Variants in C2CD2 observed in about 807,000 individuals in gnomAD.
The protein encoded by C2CD2 is C2 calcium dependent domain containing 2.
In C2CD2, 43 loss-of-function variants were observed where a neutral mutation model predicts 74.3. The observed-to-expected ratio is 0.58, with a 90% CI of 0.45 to 0.75. The LOEUF is 0.75. C2CD2 is among the 30% of genes least tolerant of loss of function. C2CD2 has a pLI of 0.00. For missense variants in C2CD2, 801 were observed against 916.3 expected (o/e 0.87, Z 1.63); for synonymous variants, 422 against 390.7 (o/e 1.08, Z -0.94).
At chr21:41,893,169 T>G (rs1163709635) in intron 13 of C2CD2, among the ~76,000 whole-genome samples, 1 of 152,174 alleles carries the variant, frequency 6.6e-6, no homozygotes, top group Non-Finnish European at 1.5e-5. Context: ...AAAATTAAAC[T>G]TTTTTTAAAA....
chr21:41,892,868 G>A lies in C2CD2; in HGVS notation c.1871-3524C>T, dbSNP rs969678911. 1.3e-5 allele frequency among the ~76,000 whole-genome samples: 2 copies of A among 152,254 alleles called. No individual in the cohort carries two copies. The highest frequency in any genetic ancestry group is 2.9e-5 in the Non-Finnish European group (2 of 68,054). ...TCCTTCGCACTTCACTCTGGGGGCC[G>A]GCAGACCACAGGGCTGTGTGGGTAG... On this transcript the variant is annotated intron_variant, in intron 13 of 13. Coordinates refer to ENST00000380486, the MANE Select transcript of C2CD2 (RefSeq NM_015500.2). This position sits in a 1 kb window ranked among gnomAD's most constrained non-coding sequence, Gnocchi z 4.6.
intron 7 of C2CD2, among the ~76,000 whole-genome samples, chr21:41,910,239 A>G (rs1255026812): frequency 6.6e-6 from 1 of 152,128 alleles, no homozygotes; most frequent in African/African-American, 2.4e-5. Context: ...TGCCCTTAGG[A>G]GATTTTATTT....
chr21:41,949,509 G>A (rs1222544835), intron 1 of C2CD2, among the ~76,000 whole-genome samples: 1 of 152,120 alleles, frequency 6.6e-6, no homozygotes, highest in African/African-American at 2.4e-5. Flanking sequence ...CGTGGTGCTG[G>A]GTGAAAGAGG....
intron 2 of C2CD2, among the ~76,000 whole-genome samples, chr21:41,930,438 C>T (rs1408443313): frequency 1.3e-5 from 2 of 150,280 alleles, no homozygotes; most frequent in Non-Finnish European, 3.0e-5. Context: ...CACAGTAGCT[C>T]ACACCTGTTA....
chr21:41,937,543 T>C (rs2065319133), intron 2 of C2CD2, among the ~76,000 whole-genome samples: 1 of 152,256 alleles, frequency 6.6e-6, no homozygotes, highest in Non-Finnish European at 1.5e-5. Context: ...GTTAAGTTTC[T>C]GTGGAGTCAA....
At position 41,918,240 on chromosome 21, in the gene C2CD2, G is replaced by T; in HGVS notation, c.598-13C>A. On this transcript the variant is annotated splice_polypyrimidine_tract_variant and intron_variant, in intron 4 of 13. Coordinates refer to ENST00000380486, the MANE Select transcript of C2CD2 (RefSeq NM_015500.2). ...CAGCCACCTGGTCCTGGTGAAAGAGGAGAAAGTTGACAAATCGCCTTTGCA... is the reference window on the plus strand; with the variant it reads ...CAGCCACCTGGTCCTGGTGAAAGAGTAGAAAGTTGACAAATCGCCTTTGCA... 2 of 1,613,688 alleles carry T rather than the reference G, an allele frequency of 1.2e-6. No individual in the cohort carries two copies. Among genetic ancestry groups the T allele is most frequent in the Non-Finnish European group, 1.7e-6 (2 of 1,179,772 alleles).
chr21:41,901,729 A>C lies in C2CD2; in HGVS notation c.1453T>G (p.Ser485Ala). Reference protein sequence around the residue: ...SDTELLVLNGSDPVAEVAIRQ... With the variant: ...SDTELLVLNGADPVAEVAIRQ... ...ATGGCCACTTCAGCCACTGGATCCG[A>C]ACCATTCAACACCAACAATTCTACC... Residue 485 changes from serine to alanine, a missense_variant, in exon 12 of 14, where the codon TCG becomes GCG. By Grantham distance (99) the Ser-to-Ala change is moderately conservative. Transcript: ENST00000380486. 6.2e-7 allele frequency: 1 copy of C among 1,614,062 alleles called. No homozygotes were observed. The highest frequency in any genetic ancestry group is 1.7e-5 in the Admixed American group (1 of 60,028).
At chr21:41,889,637 CTT>C (rs34432849) in intron 13 of C2CD2, among the ~76,000 whole-genome samples, 16 of 146,572 alleles carry the variant, frequency 1.1e-4, no homozygotes, top group East Asian at 2.0e-4. Context: ...AATTTTTTTT[CTT>C]TTTTTTTTTT....
At chr21:41,909,994 G>C (rs2065007735) in intron 7 of C2CD2, among the ~76,000 whole-genome samples, 1 of 101,224 alleles carries the variant, frequency 9.9e-6, no homozygotes, top group Non-Finnish European at 2.0e-5. Context: ...CATTACAAAG[G>C]CATTAAAAAA....
In C2CD2 at chr21:41,944,538, A is replaced by G. The variant is rs77745422; in HGVS notation, c.280-2293T>C. Among the ~76,000 whole-genome samples, 300 of 130,756 alleles carry G rather than the reference A, an allele frequency of 2.3e-3. 1 individual carries two copies. The highest frequency in any genetic ancestry group is 7.9e-3 in the South Asian group (35 of 4,418). 85.8% of individuals were successfully genotyped at this position (130,756 alleles called of 152,430 possible). A position where few individuals can be genotyped will look rare whatever the true frequency, so the allele number is the denominator to read the frequency against. ...CTCTGCCTCAAAAAAAAAAAAAAAA[A>G]AAAAGAAAAGAAAAGAGTTTGCTGG... On this transcript the variant is annotated intron_variant, in intron 1 of 13. Coordinates refer to ENST00000380486, the MANE Select transcript of C2CD2 (RefSeq NM_015500.2).
At chr21:41,920,678 C>G (rs1459770306) in intron 3 of C2CD2, among the ~76,000 whole-genome samples, 1 of 152,254 alleles carries the variant, frequency 6.6e-6, no homozygotes, top group African/African-American at 2.4e-5. Flanking sequence ...ATTTACCCAT[C>G]TCTAGCAGCT....
At chr21:41,900,796 A>C (rs1254530608) in intron 12 of C2CD2, among the ~76,000 whole-genome samples, 1 of 152,166 alleles carries the variant, frequency 6.6e-6, no homozygotes, top group Non-Finnish European at 1.5e-5. Flanking sequence ...TTCATTTGGA[A>C]ATGTCAAAAA....
In C2CD2 at chr21:41,943,621, G is replaced by A. The variant is rs59872318; in HGVS notation, c.280-1376C>T. Among the ~76,000 whole-genome samples the A allele has an allele frequency of 6.8e-3, 1,038 of 152,324 alleles. 7 individuals are homozygous for A. The highest frequency in any genetic ancestry group is 0.023 in the African/African-American group (975 of 41,572). On this transcript the variant is annotated intron_variant, in intron 1 of 13. Transcript: ENST00000380486. ...GGTGAGCTAGGTCCAGCTACAAGGC[G>A]TGACCGAGGGTGGGAGAGGGGAAGC... is the stretch of plus-strand genomic sequence containing the variant.
In C2CD2 at chr21:41,907,046, C is replaced by T. The variant is rs1343916128; in HGVS notation, c.1264G>A (p.Ala422Thr). 2 of 1,613,978 alleles carry T rather than the reference C, an allele frequency of 1.2e-6. No homozygotes were observed. Among genetic ancestry groups the T allele is most frequent in the Admixed American group, 1.7e-5 (1 of 60,008 alleles). Residue 422 changes from alanine (A) to threonine (T), a missense_variant, in exon 10 of 14, where the codon GCT becomes ACT. Physicochemically the swap from Ala to Thr is moderately conservative, Grantham distance 58. Coordinates refer to ENST00000380486, the MANE Select transcript of C2CD2 (RefSeq NM_015500.2). ...PCGTVVTTVT[A>T]VKTKPRVDVG... ...TCGACGCGAGGCTTGGTCTTCACAG[C>T]AGTGACAGTAGTGACCACAGTCCCA...
chr21:41,912,202 A>C, intron 7 of C2CD2, 130 bp downstream of exon 7: 1 of 591,696 alleles, frequency 1.7e-6, no homozygotes. Flanking sequence ...GATGCTTAAG[A>C]CATCATTTGT....
chr21:41,899,037 GC>G lies in C2CD2; in HGVS notation c.1870+15del, dbSNP rs956017656. ...CCAAGTGGGGGGCCCGGGATGGGGGGCTCGGGAGCAGGTACCTTTATGCTTT... is the reference window on the plus strand; with the variant it reads ...CCAAGTGGGGGGCCCGGGATGGGGGGTCGGGAGCAGGTACCTTTATGCTTT... On this transcript the variant is annotated intron_variant, in intron 13 of 13. Coordinates refer to ENST00000380486, the MANE Select transcript of C2CD2 (RefSeq NM_015500.2). This position sits in a 1 kb window ranked among gnomAD's most constrained non-coding sequence, Gnocchi z 4.4. 3 of 1,604,956 alleles carry G rather than the reference GC, an allele frequency of 1.9e-6. No homozygotes were observed. Among genetic ancestry groups the G allele is most frequent in the Middle Eastern group, 1.9e-4 (1 of 5,396 alleles).
At chr21:41,949,563 A>G (rs2065433117) in intron 1 of C2CD2, among the ~76,000 whole-genome samples, 1 of 152,214 alleles carries the variant, frequency 6.6e-6, no homozygotes, top group Non-Finnish European at 1.5e-5. Context: ...TAGTTCAACC[A>G]TTGTGGAAGA....
rs1370605140 is a variant in C2CD2 at position 41,886,190 on chromosome 21, T to C, written c.*2934A>G. ...AATTAATCTTAGTGTTCATGAGGAA[T>C]TGTTTTTAAAACACAACTGGGCAAA... On this transcript the variant is annotated 3_prime_UTR_variant, in exon 14 of 14. Coordinates refer to ENST00000380486, the MANE Select transcript of C2CD2 (RefSeq NM_015500.2). The C allele has an allele frequency of 6.6e-6, 1 of 152,230 alleles. No individual in the cohort carries two copies. The highest frequency in any genetic ancestry group is 1.5e-5 in the Non-Finnish European group (1 of 68,048). 9.4% of individuals were successfully genotyped at this position (152,230 alleles called of 1,614,324 possible).
At position 41,888,945 on chromosome 21, in the gene C2CD2, G is replaced by A. The variant is rs2064713898; in HGVS notation, c.*179C>T. ...AGTTGGGCTTTTTTGTCCTCTCTGG[G>A]AGAAGCCTCCTGGCTGGAGACTCAG... On this transcript the variant is annotated 3_prime_UTR_variant, in exon 14 of 14. Coordinates refer to ENST00000380486, the MANE Select transcript of C2CD2 (RefSeq NM_015500.2). The A allele has an allele frequency of 9.8e-6, 6 of 614,610 alleles. 1 individual carries two copies. In the South Asian group the frequency reaches 9.9e-5, roughly 10 times the overall value. 38.1% of individuals were successfully genotyped at this position (614,610 alleles called of 1,614,324 possible).
Sources: allele counts gnomAD v4.1 joint callset (sites outside exome capture counted in the v4.1 genomes callset), GRCh38; gene constraint gnomAD v4.1.1; non-coding constraint Gnocchi (gnomAD v3.1); transcripts MANE v1.5; gene names NCBI Gene and HGNC (gene_info 2026-07-23, HGNC 2026-07-21).